SLC2A9: variants seen among roughly 807,000 people sequenced by gnomAD.
SLC2A9 encodes the protein solute carrier family 2, facilitated glucose transporter member 9.
SLC2A9 carries 39 observed loss-of-function variants against 50.6 expected under a neutral mutation model. The ratio of observed to expected loss-of-function variants is 0.77; its 90% CI spans 0.60 to 1.01. The LOEUF (loss-of-function observed/expected upper bound fraction) is 1.01, where lower values mean the gene tolerates loss of function less well. SLC2A9 is among the 50% of genes least tolerant of loss of function. SLC2A9 has a pLI of 0.00. For missense variants in SLC2A9, 686 were observed against 677.6 expected (o/e 1.01, Z -0.14); for synonymous variants, 324 against 276.9 (o/e 1.17, Z -1.69).
At chr4:9,829,025 C>A (rs1725590721) in intron 11 of SLC2A9, among the ~76,000 whole-genome samples, 1 of 152,194 alleles carries the variant, frequency 6.6e-6, no homozygotes, top group East Asian at 1.9e-4. Flanking sequence ...ACCCACACAG[C>A]TGCCTCTTGC....
intron 10 of SLC2A9, among the ~76,000 whole-genome samples, chr4:9,844,156 AAAATAATAAT>A (rs566549469): frequency 0.37 from 46,527 of 126,552 alleles, 11,354 homozygotes; most frequent in African/African-American, 0.51. Context: ...TAGTAAAAAA[AAAATAATAAT>A]AAAAAAAAAA....
intron 10 of SLC2A9, chr4:9,880,326 T>C (rs1252951865): frequency 2.0e-6 from 2 of 985,092 alleles, no homozygotes; most frequent in Non-Finnish European, 2.4e-6. Context: ...ACACAGGGGG[T>C]TGAAGATGGA....
At chr4:9,953,554 T>C (rs926726145) in intron 5 of SLC2A9, among the ~76,000 whole-genome samples, 4 of 152,242 alleles carry the variant, frequency 2.6e-5, no homozygotes, top group African/African-American at 7.2e-5. Context: ...CCTGCATTAC[T>C]GGTTGTGCTG....
intron 1 of SLC2A9, among the ~76,000 whole-genome samples, chr4:10,039,312 G>A: frequency 6.6e-6 from 1 of 152,220 alleles, no homozygotes; most frequent in Middle Eastern, 3.2e-3. Flanking sequence ...TGGAGGGCCA[G>A]TGCATGGAGG....
intron 10 of SLC2A9, among the ~76,000 whole-genome samples, chr4:9,844,342 T>C (rs887867484): frequency 3.3e-5 from 5 of 152,152 alleles, no homozygotes; most frequent in African/African-American, 1.2e-4. Context: ...AAATACGTGC[T>C]GATTAATTGA....
At chr4:9,814,292 A>G (rs1390541543) in intron 3 of SLC2A9, among the ~76,000 whole-genome samples, 1 of 152,234 alleles carries the variant, frequency 6.6e-6, no homozygotes, top group South Asian at 2.1e-4. Context: ...TGTTTCAGCT[A>G]TTTTTATATT....
intron 6 of SLC2A9, among the ~76,000 whole-genome samples, chr4:9,931,737 G>A (rs981780656): frequency 6.6e-6 from 1 of 151,820 alleles, no homozygotes; most frequent in African/African-American, 2.4e-5. Context: ...GCTTGTGAGA[G>A]CTTGCTGTGC....
intron 10 of SLC2A9, among the ~76,000 whole-genome samples, chr4:9,835,668 G>C (rs959026061): frequency 6.6e-6 from 1 of 152,234 alleles, no homozygotes; most frequent in Non-Finnish European, 1.5e-5. Flanking sequence ...CTTTCATGCG[G>C]AACCCTTGTC....
intron 1 of SLC2A9, among the ~76,000 whole-genome samples, chr4:10,036,956 T>C (rs899078567): frequency 6.6e-6 from 1 of 152,216 alleles, no homozygotes; most frequent in African/African-American, 2.4e-5. Flanking sequence ...GCGGGGCCTC[T>C]AGACTTAATT....
intron 7 of SLC2A9, among the ~76,000 whole-genome samples, chr4:9,909,470 A>C (rs1417065970): frequency 2.0e-5 from 3 of 152,212 alleles, no homozygotes; most frequent in Non-Finnish European, 4.4e-5. Context: ...CTAAATCCTA[A>C]TTGATGCCCA....
intron 9 of SLC2A9, among the ~76,000 whole-genome samples, chr4:9,890,367 G>A (rs1737149783): frequency 6.6e-6 from 1 of 152,138 alleles, no homozygotes; most frequent in Admixed American, 6.5e-5. Flanking sequence ...AGATCACACG[G>A]CTCATCAGTG....
chr4:9,979,073 C>A (rs11722229), intron 5 of SLC2A9, among the ~76,000 whole-genome samples: 107,506 of 151,972 alleles, frequency 0.71, 39,359 homozygotes, highest in East Asian at 0.98. Flanking sequence ...CTCTCCAGAG[C>A]GCCCACATTC....
chr4:9,957,584 T>C (rs1036749254), intron 5 of SLC2A9, among the ~76,000 whole-genome samples: 10 of 152,306 alleles, frequency 6.6e-5, no homozygotes, highest in Non-Finnish European at 1.2e-4. Flanking sequence ...CTATCAGTAA[T>C]ACCCTCTAAA....
intron 1 of SLC2A9, among the ~76,000 whole-genome samples, chr4:10,032,962 CTGCAATTAAAAAGA>C (rs1290581673): frequency 3.3e-5 from 5 of 152,098 alleles, no homozygotes; most frequent in African/African-American, 1.2e-4. Flanking sequence ...AGGTCGAGTG[CTGCAATTAAAAAGA>C]TGCATGTAAA....
At chr4:9,992,429 A>G (rs541989238) in intron 3 of SLC2A9, among the ~76,000 whole-genome samples, 1 of 152,354 alleles carries the variant, frequency 6.6e-6, no homozygotes, top group South Asian at 2.1e-4. Flanking sequence ...GGCTTCTCCT[A>G]GATGCTAGTA....
chr4:9,970,593 A>C (rs1162323513), intron 5 of SLC2A9, among the ~76,000 whole-genome samples: 1 of 152,102 alleles, frequency 6.6e-6, no homozygotes, highest in Non-Finnish European at 1.5e-5. Flanking sequence ...GGGTTAAACA[A>C]ACAAAAAGAG....
At chr4:9,797,640 T>C (rs1190833447), downstream of SLC2A9, among the ~76,000 whole-genome samples, 1 of 152,196 alleles carries the variant, frequency 6.6e-6, no homozygotes, top group Non-Finnish European at 1.5e-5. Flanking sequence ...TAATTATCCA[T>C]AAACTTGTTT....
At chr4:9,868,146 GC>G (rs1732817917) in intron 10 of SLC2A9, among the ~76,000 whole-genome samples, 1 of 152,214 alleles carries the variant, frequency 6.6e-6, no homozygotes, top group Non-Finnish European at 1.5e-5. Context: ...CAAGCCCTCT[GC>G]TATGTTCCTG....
intron 10 of SLC2A9, among the ~76,000 whole-genome samples, chr4:9,851,301 G>C (rs567522985): frequency 1.3e-5 from 2 of 152,316 alleles, no homozygotes; most frequent in East Asian, 3.9e-4. Flanking sequence ...TGAAACCCAG[G>C]AGTGCTGAGC....
Sources: allele counts gnomAD v4.1 joint callset (sites outside exome capture counted in the v4.1 genomes callset), GRCh38; gene constraint gnomAD v4.1.1; transcripts MANE v1.5; gene names NCBI Gene and HGNC (gene_info 2026-07-23, HGNC 2026-07-21).